Variants in APOL5 observed in about 807,000 individuals in gnomAD.
APOL5 encodes apolipoprotein L5, also known as apolipoprotein L, 5.
APOL5 carries 29 observed loss-of-function variants against 35.5 expected under a neutral mutation model. The ratio of observed to expected loss-of-function variants is 0.82; its 90% CI spans 0.61 to 1.11. The LOEUF is 1.11. Among genes scored for constraint, APOL5 ranks in the 50% most tolerant of loss-of-function variants. The pLI, the probability that APOL5 is intolerant of heterozygous loss-of-function variation, is 0.00. For synonymous variants in APOL5, 188 were observed against 200.2 expected, an observed-to-expected ratio of 0.94 and a Z score of 0.51; for missense variants, 514 against 530.4, an observed-to-expected ratio of 0.97 and a Z score of 0.30.
At chr22:35,723,446 T>C (rs1927041945) in intron 2 of APOL5, among the ~76,000 whole-genome samples, 1 of 152,218 alleles carries the variant, frequency 6.6e-6, no homozygotes, top group South Asian at 2.1e-4. Flanking sequence ...TGCAGAACTC[T>C]GAAGTTCCAG....
the APOL5 span, among the ~76,000 whole-genome samples, chr22:35,710,625 G>C: frequency 6.6e-6 from 1 of 152,000 alleles, no homozygotes; most frequent in African/African-American, 2.4e-5. Flanking sequence ...TTGTTGTGCA[G>C]CCATGGCCAC....
intron 2 of APOL5, among the ~76,000 whole-genome samples, chr22:35,721,603 C>T (rs796670836): frequency 3.9e-5 from 6 of 152,160 alleles, no homozygotes; most frequent in African/African-American, 1.4e-4. Context: ...GATGCCCAGA[C>T]ACATGGCTTA....
chr22:35,723,680 G>T (rs1927049986), intron 2 of APOL5, among the ~76,000 whole-genome samples: 1 of 152,202 alleles, frequency 6.6e-6, no homozygotes, highest in Non-Finnish European at 1.5e-5. Flanking sequence ...TCTACTTTGG[G>T]TTGGGCGTGA....
At chr22:35,716,567 T>A (rs1360891334), upstream of APOL5, among the ~76,000 whole-genome samples, 2 of 152,218 alleles carry the variant, frequency 1.3e-5, no homozygotes, top group Non-Finnish European at 2.9e-5. Context: ...TGGCTTCTAT[T>A]GGCTTTTATT....
chr22:35,727,733 G>A (rs545356814), intron 3 of APOL5, among the ~76,000 whole-genome samples: 1 of 152,188 alleles, frequency 6.6e-6, no homozygotes, highest in Admixed American at 6.5e-5. Flanking sequence ...CCAGTGTGCC[G>A]GAAATACGTG....
rs771966312 is a variant in APOL5 at position 35,717,877 on chromosome 22, A to G, written c.6A>G (p.Pro2=). M[P]CGKQGNLQVP... ...AATTTTAAAAAATCTAAAGCATGCCATGTGGCAAACAAGGAAATTTGCAAG... is the reference window on the plus strand; with the variant it reads ...AATTTTAAAAAATCTAAAGCATGCCGTGTGGCAAACAAGGAAATTTGCAAG... Residue 2 remains proline, a synonymous_variant, in exon 1 of 5, where the codon CCA becomes CCG. Coordinates refer to ENST00000249044, the MANE Select transcript of APOL5 (RefSeq NM_030642.1). 2 of 1,579,038 alleles carry G rather than the reference A, an allele frequency of 1.3e-6. No homozygotes were observed. The highest frequency in any genetic ancestry group is 1.7e-6 in the Non-Finnish European group (2 of 1,162,300).
Position 35,717,926 on chromosome 22 carries a change from G to A in APOL5, c.55G>A (p.Gly19Ser). 4 of 1,579,040 alleles carry A rather than the reference G, an allele frequency of 2.5e-6. No homozygotes were observed. Among genetic ancestry groups the A allele is most frequent in the Non-Finnish European group, 2.6e-6 (3 of 1,162,756 alleles). The change falls in exon 1 of 5, where the codon GGC becomes AGC. Residue 19 changes from glycine to serine, a missense_variant and splice_region_variant. By Grantham distance (56) the Gly-to-Ser change is moderately conservative. This residue lies in a region of APOL5 where 254 missense variants were observed against 254.7 expected (regional missense o/e 1.00). Transcript: ENST00000249044. ...AGTTCCCGGTTCCAAGGTGTTACCTGGTAAGTTCTTTTAAGCTTTCAGAAA... is the reference window on the plus strand; with the variant it reads ...AGTTCCCGGTTCCAAGGTGTTACCTAGTAAGTTCTTTTAAGCTTTCAGAAA... ...LQVPGSKVLPGLGEGCKEMWL... is the reference protein window; with the variant it reads ...LQVPGSKVLPSLGEGCKEMWL...
At chr22:35,708,948 G>A in the APOL5 span, among the ~76,000 whole-genome samples, 4 of 152,154 alleles carry the variant, frequency 2.6e-5, no homozygotes, top group East Asian at 1.9e-4. Flanking sequence ...TACTTCAATC[G>A]AATGAACTTT....
intron 3 of APOL5, among the ~76,000 whole-genome samples, chr22:35,728,250 G>C (rs1356778612): frequency 2.0e-5 from 3 of 152,138 alleles, no homozygotes; most frequent in Admixed American, 1.3e-4. Context: ...TTGAGACGGA[G>C]TCTCGCTCTG....
At chr22:35,714,036 G>A (rs1036097721), upstream of APOL5, among the ~76,000 whole-genome samples, 31 of 152,294 alleles carry the variant, frequency 2.0e-4, no homozygotes, top group African/African-American at 6.7e-4. Flanking sequence ...TGTTGGCCGG[G>A]CGCGGTGGCT....
chr22:35,715,586 C>T (rs965219130), upstream of APOL5, among the ~76,000 whole-genome samples: 2 of 152,134 alleles, frequency 1.3e-5, no homozygotes, highest in Admixed American at 6.6e-5. Context: ...GCAGAGGTTG[C>T]AAAGCCGAGA....
At position 35,717,942 on chromosome 22, in the gene APOL5, C is replaced by T; in HGVS notation, c.55+16C>T. 6.5e-7 allele frequency: 1 copy of T among 1,546,568 alleles called. No homozygotes were observed. The highest frequency in any genetic ancestry group is 8.7e-7 in the Non-Finnish European group (1 of 1,148,008). The stretch of plus-strand genomic sequence containing the variant: ...GTGTTACCTGGTAAGTTCTTTTAAG[C>T]TTTCAGAAAACAAGCAATTCTCACG... On this transcript the variant is annotated intron_variant, in intron 1 of 4. Coordinates refer to ENST00000249044, the MANE Select transcript of APOL5 (RefSeq NM_030642.1).
intron 2 of APOL5, among the ~76,000 whole-genome samples, chr22:35,724,864 G>T (rs1253390380): frequency 1.3e-5 from 2 of 152,178 alleles, no homozygotes; most frequent in Non-Finnish European, 2.9e-5. Flanking sequence ...ACCCGCCTCG[G>T]TGTCCCAAAG....
upstream of APOL5, among the ~76,000 whole-genome samples, chr22:35,717,132 T>A (rs1926770925): frequency 6.7e-6 from 1 of 150,034 alleles, no homozygotes; most frequent in Non-Finnish European, 1.5e-5. Flanking sequence ...ACACCTGTAA[T>A]CCTAGCACTT....
At position 35,720,448 on chromosome 22, in the gene APOL5, T is replaced by TAACC. The variant is rs59054451; in HGVS notation, c.56-120_56-119insAACC. Reference sequence around the variant, plus strand: ...AGACATTAAGATTTTTGTTGTATTCTTTTTTTTTTCTAATTCTCCAATATT... The same window carrying TAACC: ...AGACATTAAGATTTTTGTTGTATTCTAACCTTTTTTTTTCTAATTCTCCAATATT... On this transcript the variant is annotated intron_variant, in intron 1 of 4. Transcript: ENST00000249044. The TAACC allele has an allele frequency of 1.4e-5, 9 of 641,274 alleles. No homozygotes were observed. The African/African-American group carries it at 2.0e-4, about 14-fold the overall frequency. The allele number at this position is 641,274 out of a possible 1,614,324, so 39.7% of individuals were successfully genotyped here.
intron 3 of APOL5, among the ~76,000 whole-genome samples, chr22:35,728,309 C>T (rs1421886947): frequency 2.0e-5 from 3 of 152,262 alleles, no homozygotes; most frequent in East Asian, 1.9e-4. Flanking sequence ...CTGCAAGCTC[C>T]GCCTCCCGGG....
At chr22:35,728,560 C>T (rs1257710818) in intron 3 of APOL5, among the ~76,000 whole-genome samples, 163 bp from the exon 4 acceptor site, 2 of 152,174 alleles carry the variant, frequency 1.3e-5, no homozygotes, top group Non-Finnish European at 2.9e-5. Context: ...GGTAATTCTG[C>T]GGTGCCGCCA....
upstream of APOL5, among the ~76,000 whole-genome samples, chr22:35,715,323 A>C (rs1003085017): frequency 1.3e-5 from 2 of 152,184 alleles, no homozygotes; most frequent in African/African-American, 4.8e-5. Context: ...GACAGCAGGG[A>C]GAGCTGAGCA....
At chr22:35,724,008 A>G (rs1927060914) in intron 2 of APOL5, among the ~76,000 whole-genome samples, 1 of 152,134 alleles carries the variant, frequency 6.6e-6, no homozygotes. Context: ...ACACTGTCCC[A>G]CTGAATGACA....
Sources: allele counts gnomAD v4.1 joint callset (sites outside exome capture counted in the v4.1 genomes callset), GRCh38; gene constraint gnomAD v4.1.1; regional missense constraint gnomAD v4.1.1; transcripts MANE v1.5; gene names NCBI Gene and HGNC (gene_info 2026-07-23, HGNC 2026-07-21).